FUT8: variants seen among roughly 807,000 people sequenced by gnomAD.
FUT8 encodes alpha-(1,6)-fucosyltransferase.
A neutral mutation model predicts 71.3 loss-of-function variants in FUT8; 29 were observed. The observed-to-expected ratio is 0.41, with a 90% CI of 0.30 to 0.55. FUT8 has a LOEUF of 0.55. Among genes scored for constraint, FUT8 ranks in the 20% least tolerant of loss-of-function variants. The pLI is 0.34. For missense variants in FUT8, 544 were observed against 702.1 expected (o/e 0.77, Z 2.55); for synonymous variants, 254 against 239.3 (o/e 1.06, Z -0.57).
At chr14:65,628,058 G>C (rs1309159108) in intron 5 of FUT8, among the ~76,000 whole-genome samples, 2 of 152,152 alleles carry the variant, frequency 1.3e-5, no homozygotes, top group Non-Finnish European at 2.9e-5. Context: ...AAAACCTTAT[G>C]AAGATGGTGA....
chr14:65,499,765 C>G (rs185363334), intron 2 of FUT8, among the ~76,000 whole-genome samples: 16 of 149,512 alleles, frequency 1.1e-4, no homozygotes, highest in Admixed American at 2.7e-4. Flanking sequence ...CTGCAGTGAT[C>G]TGTGATTGTA....
intron 3 of FUT8, among the ~76,000 whole-genome samples, chr14:65,583,022 A>C (rs1287403204): frequency 6.6e-6 from 1 of 152,168 alleles, no homozygotes; most frequent in East Asian, 1.9e-4. Context: ...ATTTTATATA[A>C]ATCATAAACA....
intron 3 of FUT8, among the ~76,000 whole-genome samples, chr14:65,572,704 C>T (rs1292237893): frequency 1.3e-5 from 2 of 151,968 alleles, no homozygotes; most frequent in Admixed American, 6.6e-5. Flanking sequence ...AAATTATCAG[C>T]GATAAAGATG....
At chr14:65,630,485 A>G (rs1272278685) in intron 6 of FUT8, among the ~76,000 whole-genome samples, 1 of 152,224 alleles carries the variant, frequency 6.6e-6, no homozygotes, top group Non-Finnish European at 1.5e-5. Context: ...AATGTTTTAC[A>G]TACAAAAGTG....
At chr14:65,527,296 C>T (rs902249139) in intron 2 of FUT8, among the ~76,000 whole-genome samples, 2 of 152,152 alleles carry the variant, frequency 1.3e-5, no homozygotes, top group African/African-American at 4.8e-5. Flanking sequence ...CTTCTCTTCT[C>T]ACTTCATTTC....
intron 2 of FUT8, among the ~76,000 whole-genome samples, chr14:65,502,601 T>C (rs1046596195): frequency 2.0e-5 from 3 of 152,222 alleles, no homozygotes; most frequent in African/African-American, 7.2e-5. Flanking sequence ...TACTCCTTCT[T>C]TGCCTCTTGA....
At chr14:65,448,273 C>G (rs1379856485) in intron 1 of FUT8, among the ~76,000 whole-genome samples, 1 of 151,974 alleles carries the variant, frequency 6.6e-6, no homozygotes, top group Non-Finnish European at 1.5e-5. Flanking sequence ...GTGATGAAAG[C>G]TTTGGTCATG....
the FUT8 span, among the ~76,000 whole-genome samples, chr14:65,358,941 C>A: frequency 1.3e-5 from 2 of 152,162 alleles, no homozygotes; most frequent in Non-Finnish European, 2.9e-5. Flanking sequence ...CAAATAAGGA[C>A]ATTCTCCTAC....
intron 2 of FUT8, among the ~76,000 whole-genome samples, chr14:65,557,113 AT>A (rs1213720106): frequency 6.6e-6 from 1 of 152,194 alleles, no homozygotes; most frequent in East Asian, 1.9e-4. Flanking sequence ...TGGCAACTCT[AT>A]TAAGTCTCCT....
At chr14:65,640,756 T>G (rs1326868477) in intron 6 of FUT8, among the ~76,000 whole-genome samples, 2 of 150,716 alleles carry the variant, frequency 1.3e-5, no homozygotes, top group African/African-American at 2.5e-5. Flanking sequence ...AACTGATATA[T>G]TATGGTACCT....
Position 65,742,440 on chromosome 14 carries a change from C to G in FUT8, c.*30C>G. On this transcript the variant is annotated 3_prime_UTR_variant, in exon 11 of 11. Coordinates refer to ENST00000673929, the MANE Select transcript of FUT8 (RefSeq NM_001371533.1). ...CAGATGGAAGAGATAAACGACCAAA[C>G]TCAGTTCGACCAAACTCAGTTCAAA... 1 of 1,584,344 alleles carries G rather than the reference C, an allele frequency of 6.3e-7. No individual in the cohort carries two copies. Among genetic ancestry groups the G allele is most frequent in the African/African-American group, 1.3e-5 (1 of 74,160 alleles).
chr14:65,381,208 T>C, the FUT8 span, among the ~76,000 whole-genome samples: 1 of 152,236 alleles, frequency 6.6e-6, no homozygotes, highest in Non-Finnish European at 1.5e-5. Context: ...TAATGGAGTG[T>C]TCTCAATAAT....
intron 1 of FUT8, among the ~76,000 whole-genome samples, chr14:65,444,542 T>C (rs1173836689): frequency 6.6e-6 from 1 of 152,190 alleles, no homozygotes; most frequent in African/African-American, 2.4e-5. Flanking sequence ...AATGTACATA[T>C]AGACAAATAT....
chr14:65,677,054 A>G (rs1320570842), intron 7 of FUT8, among the ~76,000 whole-genome samples: 1 of 150,160 alleles, frequency 6.7e-6, no homozygotes, highest in African/African-American at 2.5e-5. Context: ...AAAGGTTGTT[A>G]CTCAGTAAGA....
chr14:65,560,449 G>C (rs1241416410), intron 2 of FUT8, among the ~76,000 whole-genome samples: 2 of 152,102 alleles, frequency 1.3e-5, no homozygotes, highest in Non-Finnish European at 2.9e-5. Flanking sequence ...CTAAAGTGCA[G>C]GGATTACAGA....
chr14:65,421,123 G>A (rs900436547), intron 1 of FUT8, among the ~76,000 whole-genome samples: 18 of 151,454 alleles, frequency 1.2e-4, no homozygotes, highest in Middle Eastern at 3.4e-3. Flanking sequence ...AACCTAGAAG[G>A]TGGAGGTTGC....
intron 10 of FUT8, 121 bp downstream of exon 10, chr14:65,733,502 C>G (rs761235702): frequency 1.5e-6 from 1 of 651,154 alleles, no homozygotes; most frequent in Admixed American, 3.0e-5. Flanking sequence ...TGCAATTTTT[C>G]TGATACTCAG....
chr14:65,711,399 A>G (rs768102325), intron 7 of FUT8, among the ~76,000 whole-genome samples: 1 of 152,320 alleles, frequency 6.6e-6, no homozygotes, highest in African/African-American at 2.4e-5. Flanking sequence ...AGAAGTTGTT[A>G]AAGGAAGGCA....
intron 6 of FUT8, among the ~76,000 whole-genome samples, chr14:65,645,326 G>T (rs184272993): frequency 6.8e-4 from 103 of 152,284 alleles, no homozygotes; most frequent in Non-Finnish European, 1.0e-3. Flanking sequence ...ACTGCTTGAT[G>T]CTCTCTATAA....
Sources: gnomAD v4.1 joint callset for allele counts (sites outside exome capture counted in the v4.1 genomes callset) on GRCh38, gnomAD v4.1.1 for gene constraint, MANE v1.5 for transcripts, NCBI Gene and HGNC (gene_info 2026-07-23, HGNC 2026-07-21) for gene names.